ABCB10: variants seen among roughly 807,000 people sequenced by gnomAD.
ABCB10 encodes the protein ATP binding cassette subfamily B member 10.
In ABCB10, 54 loss-of-function variants were observed where a neutral mutation model predicts 65.4. The ratio of observed to expected loss-of-function variants is 0.83; its 90% confidence interval spans 0.66 to 1.04. The LOEUF is 1.04. Ranked by LOEUF, ABCB10 falls within the 50% of genes least tolerant of loss-of-function variation. The pLI is 0.00. For missense variants in ABCB10, 846 were observed against 976.6 expected, an observed-to-expected ratio of 0.87 and a Z score of 1.78; for synonymous variants, 418 against 406.5, an observed-to-expected ratio of 1.03 and a Z score of -0.34.
intron 3 of ABCB10, among the ~76,000 whole-genome samples, chr1:229,544,593 G>T (rs1662926357): frequency 6.6e-6 from 1 of 152,144 alleles, no homozygotes. Flanking sequence ...TCACATTTCT[G>T]ATCCCCTAGA....
At chr1:229,557,393 G>A (rs1663280606) in intron 1 of ABCB10, among the ~76,000 whole-genome samples, 3 of 152,188 alleles carry the variant, frequency 2.0e-5, no homozygotes, top group African/African-American at 4.8e-5. Flanking sequence ...AGTCCAGAAT[G>A]AGGGCTCAAC....
chr1:229,531,349 C>A (rs1385942138), intron 7 of ABCB10, among the ~76,000 whole-genome samples: 1 of 152,216 alleles, frequency 6.6e-6, no homozygotes, highest in Non-Finnish European at 1.5e-5. Flanking sequence ...TGACTTCCAT[C>A]CTGCCCTTTG....
In ABCB10 at chr1:229,558,149, G is replaced by A. The variant is rs982406851; in HGVS notation, c.504C>T (p.Arg168=). The A allele has an allele frequency of 7.1e-7, 1 of 1,417,308 alleles. No homozygotes were observed. The highest frequency in any genetic ancestry group is 3.0e-5 in the Admixed American group (1 of 33,500). The allele number at this position is 1,417,308 out of a possible 1,614,324, so 87.8% of individuals were successfully genotyped here. ...RKLLGLAYPE[R]RRLAAAVGFL... ...GGAGGACCCTACCTGCCAGCCTCCG[G>A]CGCTCAGGGTACGCCAGCCCCAGGA... Residue 168 remains arginine, a synonymous_variant, in exon 1 of 13, where the codon CGC becomes CGT. Transcript: ENST00000344517.
intron 1 of ABCB10, among the ~76,000 whole-genome samples, chr1:229,557,362 G>A (rs113936557): frequency 8.5e-5 from 13 of 152,304 alleles, no homozygotes; most frequent in Admixed American, 2.6e-4. Context: ...CCTTGTGCAT[G>A]CCACTGTAAA....
intron 10 of ABCB10, among the ~76,000 whole-genome samples, chr1:229,522,350 G>T (rs936567041): frequency 2.0e-5 from 3 of 151,966 alleles, no homozygotes; most frequent in Admixed American, 1.3e-4. Flanking sequence ...GGGACCACAG[G>T]CCCATACCAC....
At chr1:229,557,197 G>T (rs144061261) in intron 1 of ABCB10, among the ~76,000 whole-genome samples, 4 of 150,856 alleles carry the variant, frequency 2.7e-5, no homozygotes, top group Admixed American at 6.6e-5. Context: ...TTGCAGCAAA[G>T]AATGCTTTTC....
chr1:229,554,711 T>C (rs1410946120), intron 1 of ABCB10, among the ~76,000 whole-genome samples: 1 of 152,152 alleles, frequency 6.6e-6, no homozygotes, highest in African/African-American at 2.4e-5. Flanking sequence ...GCTGAAACAA[T>C]GTATTTCTGT....
At position 229,555,904 on chromosome 1, in the gene ABCB10, T is replaced by C. The variant is rs575293409; in HGVS notation, c.517+2232A>G. ...TATATAATAACTTCTCAGGAAATCA[T>C]ACATCTAAATAAGGGCTTTTTATCA... On this transcript the variant is annotated intron_variant, in intron 1 of 12. Transcript: ENST00000344517. 2.0e-5 allele frequency among the ~76,000 whole-genome samples: 3 copies of C among 149,390 alleles called. No homozygotes were observed. The Admixed American group carries it at 2.0e-4, about 10-fold the overall frequency.
chr1:229,517,743 T>G lies in ABCB10; in HGVS notation c.*436A>C, dbSNP rs1309207937. The G allele has an allele frequency of 6.4e-6, 1 of 156,826 alleles. No homozygotes were observed. Among genetic ancestry groups the G allele is most frequent in the Non-Finnish European group, 1.4e-5 (1 of 71,322 alleles). 9.7% of individuals were successfully genotyped at this position (156,826 alleles called of 1,614,324 possible). On this transcript the variant is annotated 3_prime_UTR_variant, in exon 13 of 13. Transcript: ENST00000344517. ...ATTTCCATTATTCTATCTGTAAAAT[T>G]AGACTTAAAAGTAGGTAGAATACTA...
Position 229,516,963 on chromosome 1 carries a change from G to C in ABCB10, c.*1216C>G, listed in dbSNP as rs1662190884. ...GGAACTAATAAATGCTTAGTTCATG[G>C]GAAAACTTCCATTTGATTTACATTG... On this transcript the variant is annotated 3_prime_UTR_variant, in exon 13 of 13. Transcript: ENST00000344517. The C allele has an allele frequency of 6.6e-6, 1 of 152,170 alleles. No homozygotes were observed. Among genetic ancestry groups the C allele is most frequent in the East Asian group, 1.9e-4 (1 of 5,180 alleles). 9.4% of individuals were successfully genotyped at this position (152,170 alleles called of 1,614,324 possible). A position where few individuals can be genotyped will look rare whatever the true frequency, so the allele number is the denominator to read the frequency against.
chr1:229,521,661 GA>G (rs1333754311), intron 10 of ABCB10, 26 bp from the exon 11 acceptor site: 5 of 1,611,754 alleles, frequency 3.1e-6, no homozygotes, highest in East Asian at 4.5e-5. Context: ...TTTAAAAAAA[GA>G]AGGCCTCAAC....
At chr1:229,534,562 C>T (rs1262962679) in intron 6 of ABCB10, among the ~76,000 whole-genome samples, 1 of 150,250 alleles carries the variant, frequency 6.7e-6, no homozygotes, top group Non-Finnish European at 1.5e-5. Flanking sequence ...CCTGTCTCTA[C>T]TAAAAAAAAA....
In ABCB10 at chr1:229,535,612, A is replaced by G. The variant is rs1662701575; in HGVS notation, c.1339+3844T>C. On this transcript the variant is annotated intron_variant, in intron 6 of 12. Transcript: ENST00000344517. ...GCAGTAAAACTACTCTGTATGATAC[A>G]GGAATGTTGGATACATGTCATTTTG... Among the ~76,000 whole-genome samples the G allele has an allele frequency of 2.0e-5, 3 of 152,348 alleles. No homozygotes were observed. In the South Asian group the frequency reaches 6.2e-4, roughly 32 times the overall value.
chr1:229,527,080 A>C (rs1471701275), intron 9 of ABCB10, 149 bp downstream of exon 9: 5 of 716,396 alleles, frequency 7.0e-6, no homozygotes, highest in Admixed American at 2.8e-5. Flanking sequence ...TTGCAAACCT[A>C]AACAACCTGC....
intron 6 of ABCB10, among the ~76,000 whole-genome samples, chr1:229,538,026 G>C (rs949896353): frequency 6.6e-6 from 1 of 152,136 alleles, no homozygotes; most frequent in African/African-American, 2.4e-5. Context: ...GGCAGATCCT[G>C]AACAAGACAG....
At chr1:229,527,485 C>T (rs1558120296) in intron 8 of ABCB10, among the ~76,000 whole-genome samples, 177 bp from the exon 9 acceptor site, 1 of 152,202 alleles carries the variant, frequency 6.6e-6, no homozygotes, top group Non-Finnish European at 1.5e-5. Context: ...CTAAAAGGGA[C>T]TTTCTGGATT....
intron 6 of ABCB10, among the ~76,000 whole-genome samples, chr1:229,534,554 T>C (rs1328732781): frequency 7.3e-5 from 11 of 150,748 alleles, no homozygotes; most frequent in Non-Finnish European, 1.0e-4. Flanking sequence ...GGTGAAACCC[T>C]GTCTCTACTA....
intron 11 of ABCB10, among the ~76,000 whole-genome samples, chr1:229,520,557 C>G (rs1482246380): frequency 6.8e-6 from 1 of 147,900 alleles, no homozygotes; most frequent in African/African-American, 2.5e-5. Context: ...TAAAACATTA[C>G]AAGTCCAGCT....
At chr1:229,533,045 A>C (rs1204573059) in intron 6 of ABCB10, among the ~76,000 whole-genome samples, 1 of 152,088 alleles carries the variant, frequency 6.6e-6, no homozygotes, top group Non-Finnish European at 1.5e-5. Flanking sequence ...GGGCTCAAGC[A>C]ATCCTCCTGC....
Sources: gnomAD v4.1 joint callset for allele counts (sites outside exome capture counted in the v4.1 genomes callset) on GRCh38, gnomAD v4.1.1 for gene constraint, MANE v1.5 for transcripts, NCBI Gene and HGNC (gene_info 2026-07-23, HGNC 2026-07-21) for gene names.